ADGRL3: variants seen among roughly 807,000 people sequenced by gnomAD.
The protein encoded by ADGRL3 is adhesion G protein-coupled receptor L3.
A neutral mutation model predicts 153.5 loss-of-function variants in ADGRL3; 62 were observed. The observed-to-expected ratio is 0.40, with a 90% CI of 0.33 to 0.50. The LOEUF (loss-of-function observed/expected upper bound fraction) is 0.50. Among genes scored for constraint, ADGRL3 ranks in the 20% least tolerant of loss-of-function variants. The probability of loss-of-function intolerance (pLI) is 0.47; values close to 1 mark genes in which losing one functional copy is unlikely to be tolerated. For missense variants in ADGRL3, 1,641 were observed against 1,859.4 expected, an observed-to-expected ratio of 0.88 and a Z score of 2.16; for synonymous variants, 710 against 672.5, an observed-to-expected ratio of 1.06 and a Z score of -0.86.
chr4:61,340,830 GTA>G (rs533433677), intron 1 of ADGRL3, among the ~76,000 whole-genome samples: 61 of 147,936 alleles, frequency 4.1e-4, no homozygotes, highest in Admixed American at 1.1e-3. Flanking sequence ...GTGTGTTTGT[GTA>G]TATATATATA....
intron 2 of ADGRL3, among the ~76,000 whole-genome samples, chr4:61,429,235 A>G (rs2097325837): frequency 6.6e-6 from 1 of 152,216 alleles, no homozygotes; most frequent in Non-Finnish European, 1.5e-5. Context: ...ACAATTGTCA[A>G]AAAAGTATTG....
intron 9 of ADGRL3, among the ~76,000 whole-genome samples, chr4:61,850,702 G>A (rs1293115892): frequency 6.6e-6 from 1 of 152,180 alleles, no homozygotes; most frequent in Non-Finnish European, 1.5e-5. Flanking sequence ...TTTCGGCAGG[G>A]CTATTACTCC....
intron 5 of ADGRL3, among the ~76,000 whole-genome samples, chr4:61,646,990 T>C (rs1473431553): frequency 6.6e-6 from 1 of 152,222 alleles, no homozygotes; most frequent in African/African-American, 2.4e-5. Flanking sequence ...GCGCCGTTTT[T>C]TAAGCCGGTA....
intron 8 of ADGRL3, among the ~76,000 whole-genome samples, chr4:61,742,724 G>T (rs2096597401): frequency 6.6e-6 from 1 of 152,084 alleles, no homozygotes; most frequent in South Asian, 2.1e-4. Flanking sequence ...AATGATTAAT[G>T]ACAAAATAAT....
intron 5 of ADGRL3, among the ~76,000 whole-genome samples, chr4:61,672,238 A>C (rs1285666334): frequency 2.0e-5 from 3 of 152,062 alleles, no homozygotes; most frequent in Non-Finnish European, 1.5e-5. Context: ...ATATCATGTA[A>C]GATAGAGATC....
chr4:61,267,725 C>A (rs1164947009), intron 1 of ADGRL3, among the ~76,000 whole-genome samples: 1 of 151,622 alleles, frequency 6.6e-6, no homozygotes, highest in Non-Finnish European at 1.5e-5. Context: ...AACTGTGAGC[C>A]TCTCAATAAA....
chr4:61,782,375 G>A (rs1008387239), intron 8 of ADGRL3, among the ~76,000 whole-genome samples: 1 of 151,966 alleles, frequency 6.6e-6, no homozygotes, highest in Non-Finnish European at 1.5e-5. Flanking sequence ...ATTTTATGAC[G>A]GTACTGTAGC....
intron 25 of ADGRL3, among the ~76,000 whole-genome samples, chr4:62,055,886 T>G (rs968856110): frequency 1.3e-5 from 2 of 151,646 alleles, no homozygotes; most frequent in Non-Finnish European, 3.0e-5. Flanking sequence ...TAGAAGCCTC[T>G]TCTTTTGTCT....
chr4:61,217,347 G>C (rs1743260534), intron 1 of ADGRL3, among the ~76,000 whole-genome samples: 1 of 152,148 alleles, frequency 6.6e-6, no homozygotes. Flanking sequence ...GAGATAGGAA[G>C]GTTGACTAGG....
At chr4:61,277,911 C>G (rs1348954521) in intron 1 of ADGRL3, among the ~76,000 whole-genome samples, 1 of 152,148 alleles carries the variant, frequency 6.6e-6, no homozygotes, top group South Asian at 2.1e-4. Flanking sequence ...GACAGATTCT[C>G]AGACTTGTAG....
intron 5 of ADGRL3, among the ~76,000 whole-genome samples, chr4:61,607,626 T>C (rs943585645): frequency 6.6e-6 from 1 of 151,486 alleles, no homozygotes; most frequent in Admixed American, 6.6e-5. Flanking sequence ...AAATCTTAAG[T>C]TCTACACTAG....
At chr4:61,450,854 C>T (rs2643036) in intron 2 of ADGRL3, among the ~76,000 whole-genome samples, 101,164 of 151,740 alleles carry the variant, frequency 0.67, 35,739 homozygotes, top group East Asian at 0.93. Context: ...ATATTGAAGA[C>T]GAGGCTTTAT....
At chr4:61,523,928 G>T (rs1483844204) in intron 4 of ADGRL3, among the ~76,000 whole-genome samples, 1 of 151,948 alleles carries the variant, frequency 6.6e-6, no homozygotes, top group East Asian at 1.9e-4. Flanking sequence ...CTAGAAAATA[G>T]GTGCTAAACT....
At chr4:61,593,672 G>T (rs1337701294) in intron 5 of ADGRL3, among the ~76,000 whole-genome samples, 1 of 152,016 alleles carries the variant, frequency 6.6e-6, no homozygotes, top group Non-Finnish European at 1.5e-5. Context: ...GGAGCTTTAT[G>T]TCATTTGGGT....
At chr4:61,570,813 C>T (rs147883747) in intron 4 of ADGRL3, among the ~76,000 whole-genome samples, 1 of 152,204 alleles carries the variant, frequency 6.6e-6, no homozygotes, top group African/African-American at 2.4e-5. Flanking sequence ...ACATATTCTC[C>T]CAGGTCATTT....
At chr4:61,822,149 C>T (rs78301966) in intron 9 of ADGRL3, among the ~76,000 whole-genome samples, 3,776 of 152,098 alleles carry the variant, frequency 0.025, 222 homozygotes, top group East Asian at 0.23. Flanking sequence ...AGAATACAAA[C>T]GAAACTTGCA....
chr4:61,933,626 A>G (rs1264269089), intron 13 of ADGRL3, among the ~76,000 whole-genome samples: 1 of 152,236 alleles, frequency 6.6e-6, no homozygotes, highest in Middle Eastern at 3.2e-3. Flanking sequence ...GAAAATATCA[A>G]GAAAAAAACA....
intron 4 of ADGRL3, among the ~76,000 whole-genome samples, chr4:61,554,226 C>A (rs903101531): frequency 8.0e-6 from 1 of 125,518 alleles, no homozygotes; most frequent in Non-Finnish European, 1.7e-5. Flanking sequence ...CAGAGTCTTA[C>A]TCTGTTGCCC....
intron 1 of ADGRL3, among the ~76,000 whole-genome samples, chr4:61,309,043 C>A (rs565372120): frequency 6.6e-6 from 1 of 152,210 alleles, no homozygotes; most frequent in East Asian, 1.9e-4. Context: ...GAATTACCTT[C>A]GCATTATATG....
Sources: gnomAD v4.1 joint callset for allele counts (sites outside exome capture counted in the v4.1 genomes callset) on GRCh38, gnomAD v4.1.1 for gene constraint, MANE v1.5 for transcripts, NCBI Gene and HGNC (gene_info 2026-07-23, HGNC 2026-07-21) for gene names.